Variants in BNC2 observed in about 807,000 individuals in gnomAD.
BNC2 encodes the protein basonuclin zinc finger protein 2.
Under a neutral mutation model 76.3 loss-of-function variants are expected in BNC2, and 20 were observed. The observed-to-expected ratio is 0.26, with a 90% CI of 0.18 to 0.38. The LOEUF is 0.38. Ranked by LOEUF, BNC2 falls within the 10% of genes least tolerant of loss-of-function variation. The probability of loss-of-function intolerance (pLI) is 1.00; values close to 1 mark genes in which losing one functional copy is unlikely to be tolerated. For missense variants in BNC2, 1,382 were observed against 1,399.8 expected, an observed-to-expected ratio of 0.99 and a Z score of 0.20; for synonymous variants, 582 against 514.8, an observed-to-expected ratio of 1.13 and a Z score of -1.77.
chr9:16,548,412 T>C (rs1818556240), intron 5 of BNC2, among the ~76,000 whole-genome samples: 1 of 151,798 alleles, frequency 6.6e-6, no homozygotes, highest in Admixed American at 6.6e-5. Context: ...TTCGTTTTTT[T>C]TTTTTTCTTT....
intron 3 of BNC2, among the ~76,000 whole-genome samples, chr9:16,726,074 C>T (rs547843366): frequency 5.5e-4 from 83 of 151,990 alleles, no homozygotes; most frequent in Non-Finnish European, 4.3e-4. Flanking sequence ...AAAAGTGAAG[C>T]ACAAGTTATT....
intron 3 of BNC2, chr9:16,726,960 G>C (rs934034183): frequency 3.3e-5 from 5 of 152,274 alleles, no homozygotes; most frequent in African/African-American, 7.2e-5. Flanking sequence ...CGCATGGTAC[G>C]AGCCGCCGGC....
intron 1 of BNC2, among the ~76,000 whole-genome samples, chr9:16,822,117 A>T (rs143575434): frequency 6.7e-6 from 1 of 149,514 alleles, no homozygotes; most frequent in African/African-American, 2.5e-5. Context: ...AAAAAAAAAA[A>T]GCTGGGGTAG....
rs1169298512 is a variant in BNC2, at chr9:16,833,939, A to G, written c.3+36707T>C. On this transcript the variant is annotated intron_variant, in intron 1 of 6. Coordinates refer to ENST00000380672, the MANE Select transcript of BNC2 (RefSeq NM_017637.6). The stretch of plus-strand genomic sequence containing the variant: ...GCCTGTCCACACCTCCAATGTCCCA[A>G]GCAAGCTCTCTCTAATCTCAGGCCT... Among the ~76,000 whole-genome samples, 8 of 152,140 alleles carry G rather than the reference A, an allele frequency of 5.3e-5. 1 individual carries two copies. In the East Asian group the frequency reaches 1.5e-3, roughly 29 times the overall value.
intron 5 of BNC2, among the ~76,000 whole-genome samples, chr9:16,465,528 GAACA>G (rs1012639671): frequency 1.3e-5 from 2 of 149,788 alleles, no homozygotes; most frequent in African/African-American, 4.9e-5. Flanking sequence ...TTACTGATTA[GAACA>G]AACACCAGCC....
intron 5 of BNC2, among the ~76,000 whole-genome samples, chr9:16,526,952 G>A (rs1817823868): frequency 6.6e-6 from 1 of 152,186 alleles, no homozygotes; most frequent in Non-Finnish European, 1.5e-5. Context: ...TACAGTCAAT[G>A]CCAAATAGAG....
chr9:16,532,200 T>C (rs1563827946), intron 5 of BNC2, among the ~76,000 whole-genome samples: 2 of 151,008 alleles, frequency 1.3e-5, no homozygotes, highest in Admixed American at 6.6e-5. Flanking sequence ...GTGGGAGATA[T>C]ACAACAGCCA....
At chr9:16,779,350 T>C (rs576313242) in intron 1 of BNC2, among the ~76,000 whole-genome samples, 2 of 149,180 alleles carry the variant, frequency 1.3e-5, no homozygotes, top group East Asian at 3.9e-4. Context: ...CAGAGGTAAG[T>C]AGAAGAAAGC....
At chr9:16,727,602 A>G in intron 3 of BNC2, 195 bp downstream of exon 3, 2 of 580,282 alleles carry the variant, frequency 3.4e-6, no homozygotes, top group African/African-American at 1.9e-5. Flanking sequence ...TTTTCTTTTA[A>G]GACGCCCTTA....
intron 3 of BNC2, among the ~76,000 whole-genome samples, chr9:16,626,596 G>A (rs1365611114): frequency 6.6e-6 from 1 of 152,100 alleles, no homozygotes; most frequent in Non-Finnish European, 1.5e-5. Flanking sequence ...ATTGGATTCA[G>A]AAGCCCAATT....
chr9:16,805,971 C>G (rs1817899737), intron 1 of BNC2, among the ~76,000 whole-genome samples: 1 of 152,046 alleles, frequency 6.6e-6, no homozygotes, highest in African/African-American at 2.4e-5. Flanking sequence ...GTGAAGCAAA[C>G]AGTACAAATG....
intron 3 of BNC2, among the ~76,000 whole-genome samples, chr9:16,655,288 T>C (rs914585914): frequency 7.2e-5 from 11 of 152,038 alleles, no homozygotes; most frequent in African/African-American, 2.7e-4. Context: ...TTCACTAAAA[T>C]AAAGATGAAT....
chr9:16,760,583 G>C (rs1260993909), intron 1 of BNC2, among the ~76,000 whole-genome samples: 1 of 152,130 alleles, frequency 6.6e-6, no homozygotes, highest in Non-Finnish European at 1.5e-5. Flanking sequence ...AATACCAGGA[G>C]ATCCCCAGTA....
At chr9:16,803,465 G>A (rs751255985) in intron 1 of BNC2, among the ~76,000 whole-genome samples, 4 of 152,172 alleles carry the variant, frequency 2.6e-5, no homozygotes, top group African/African-American at 4.8e-5. Context: ...GGGAAGTGAC[G>A]AGTTAACATG....
chr9:16,583,276 T>C (rs1225029940), intron 3 of BNC2, among the ~76,000 whole-genome samples, 191 bp from the exon 4 acceptor site: 1 of 151,952 alleles, frequency 6.6e-6, no homozygotes, highest in Non-Finnish European at 1.5e-5. Context: ...CAAAAGCTCA[T>C]TCACTAATAC....
In BNC2 at chr9:16,532,876, C is replaced by T. The variant is rs181068924; in HGVS notation, c.669+19654G>A. On this transcript the variant is annotated intron_variant, in intron 5 of 6. Coordinates refer to ENST00000380672, the MANE Select transcript of BNC2 (RefSeq NM_017637.6). ...CTCATGTTGACAGGCTGAAATCAGCCATCATGGGATATTTTCACCAGAGAA... is the reference window on the plus strand; with the variant it reads ...CTCATGTTGACAGGCTGAAATCAGCTATCATGGGATATTTTCACCAGAGAA... Among the ~76,000 whole-genome samples, 65 of 152,256 alleles carry T rather than the reference C, an allele frequency of 4.3e-4. No individual in the cohort carries two copies. The East Asian group carries it at 0.011, about 27-fold the overall frequency.
chr9:16,580,190 G>C, intron 4 of BNC2: 1 of 398,466 alleles, frequency 2.5e-6, no homozygotes, highest in Non-Finnish European at 4.4e-6. Flanking sequence ...TGTAATGCTA[G>C]GGGCAAAAAG....
chr9:16,760,761 G>A (rs553786333), intron 1 of BNC2, among the ~76,000 whole-genome samples: 36 of 152,170 alleles, frequency 2.4e-4, no homozygotes, highest in African/African-American at 8.7e-4. Context: ...AAGGTGGCAA[G>A]GGAAATTAAT....
At chr9:16,800,551 C>A (rs1469833557) in intron 1 of BNC2, among the ~76,000 whole-genome samples, 1 of 151,944 alleles carries the variant, frequency 6.6e-6, no homozygotes, top group Non-Finnish European at 1.5e-5. Context: ...CGAAGAGGCA[C>A]TGGAACTCTT....
Sources: gnomAD v4.1 joint callset for allele counts (sites outside exome capture counted in the v4.1 genomes callset) on GRCh38, gnomAD v4.1.1 for gene constraint, MANE v1.5 for transcripts, NCBI Gene and HGNC (gene_info 2026-07-23, HGNC 2026-07-21) for gene names.